The following CEP57L1 variants were observed in gnomAD, a reference collection of about 807,000 sequenced individuals.
The protein encoded by CEP57L1 is centrosomal protein 57 like 1.
In CEP57L1, 37 loss-of-function variants were observed where a neutral mutation model predicts 61.0. That is an observed-to-expected ratio of 0.61 (90% CI 0.47 to 0.80). CEP57L1 has a LOEUF of 0.80. Among genes scored for constraint, CEP57L1 ranks in the 30% least tolerant of loss-of-function variants. The pLI is 0.00. For missense variants in CEP57L1, 422 were observed against 524.7 expected, an observed-to-expected ratio of 0.80 and a Z score of 1.91; for synonymous variants, 137 against 162.3, an observed-to-expected ratio of 0.84 and a Z score of 1.19.
chr6:109,099,544 TTTTA>T (rs940811083), intron 1 of CEP57L1, among the ~76,000 whole-genome samples: 1 of 148,816 alleles, frequency 6.7e-6, no homozygotes, highest in Non-Finnish European at 1.5e-5. Flanking sequence ...ATTTATTTAT[TTTTA>T]TTTATTTATT....
At chr6:109,133,606 A>C (rs1685637316) in intron 1 of CEP57L1, among the ~76,000 whole-genome samples, 1 of 152,034 alleles carries the variant, frequency 6.6e-6, no homozygotes, top group Non-Finnish European at 1.5e-5. Context: ...AAACCCTTCA[A>C]AAAATCTGTG....
In CEP57L1 at chr6:109,145,332, A is replaced by G; in HGVS notation, c.111A>G (p.Ala37=). Residue 37 remains alanine, a synonymous_variant, in exon 2 of 11, where the codon GCA becomes GCG. Transcript: ENST00000517392. ...AACCATCTCAGAATTGCCATCCTGC[A>G]AACTTAGAAGTTACCTCTCCTAAGA... The part of the protein sequence containing the change: ...QNEPSQNCHP[A]NLEVTSPKIL... The G allele has an allele frequency of 1.9e-6, 3 of 1,612,072 alleles. No individual in the cohort carries two copies. The highest frequency in any genetic ancestry group is 1.1e-5 in the South Asian group (1 of 90,822).
intron 1 of CEP57L1, among the ~76,000 whole-genome samples, chr6:109,113,505 C>T (rs533506884): frequency 1.2e-4 from 19 of 152,242 alleles, no homozygotes; most frequent in Middle Eastern, 6.8e-3. Flanking sequence ...CTTTACTCAT[C>T]ATGACTTTGC....
chr6:109,135,295 C>G (rs1038928689), intron 1 of CEP57L1, among the ~76,000 whole-genome samples: 3 of 151,446 alleles, frequency 2.0e-5, no homozygotes, highest in Non-Finnish European at 2.9e-5. Flanking sequence ...ACAAACCTGA[C>G]AAAAACAAGA....
intron 1 of CEP57L1, among the ~76,000 whole-genome samples, chr6:109,120,779 A>G (rs1249799478): frequency 6.6e-6 from 1 of 152,210 alleles, no homozygotes; most frequent in Non-Finnish European, 1.5e-5. Flanking sequence ...TAAAATGGTT[A>G]GAAACGTAGT....
At chr6:109,098,744 C>T (rs1782020337) in intron 1 of CEP57L1, among the ~76,000 whole-genome samples, 3 of 152,126 alleles carry the variant, frequency 2.0e-5, no homozygotes, top group Admixed American at 2.0e-4. Flanking sequence ...CCTCCTGCCT[C>T]AGCCTCCCAA....
At chr6:109,141,577 C>G (rs995062278) in intron 1 of CEP57L1, among the ~76,000 whole-genome samples, 2 of 151,970 alleles carry the variant, frequency 1.3e-5, no homozygotes, top group African/African-American at 4.8e-5. Flanking sequence ...TTACTAGTTT[C>G]TATTGACCAG....
chr6:109,133,197 G>A (rs1583514165), intron 1 of CEP57L1, among the ~76,000 whole-genome samples: 1 of 152,252 alleles, frequency 6.6e-6, no homozygotes, highest in East Asian at 1.9e-4. Flanking sequence ...TAAGGCAGCA[G>A]GGACCGGTTT....
In CEP57L1 at chr6:109,160,573, G is replaced by C; in HGVS notation, c.1018G>C (p.Glu340Gln). Residue 340 changes from glutamate to glutamine, a missense_variant and splice_region_variant, in exon 10 of 11, where the codon GAG (glutamate) becomes CAG (glutamine). Physicochemically the swap from Glu to Gln is conservative, Grantham distance 29 (BLOSUM62 2). Transcript: ENST00000517392. The part of the protein sequence containing the change: ...MQDELDQMSM[E>Q]HQELLKQMKE... ...TTAATATTTGCTATTCTTTCATAGG[G>C]AGCACCAAGAACTACTGAAACAAAT... The C allele has an allele frequency of 1.3e-6, 2 of 1,599,480 alleles. No individual in the cohort carries two copies. The highest frequency in any genetic ancestry group is 1.7e-6 in the Non-Finnish European group (2 of 1,173,626).
chr6:109,118,059 G>T (rs190193924), intron 1 of CEP57L1, among the ~76,000 whole-genome samples: 1 of 152,132 alleles, frequency 6.6e-6, no homozygotes, highest in South Asian at 2.1e-4. Flanking sequence ...TTTTTGAGAC[G>T]GAGTCTCACT....
chr6:109,153,905 GAA>G lies in CEP57L1; in HGVS notation c.539_540del (p.Lys180ArgfsTer13), dbSNP rs1772935555. On this transcript the variant is annotated frameshift_variant, in exon 5 of 11. Coordinates refer to ENST00000517392, the MANE Select transcript of CEP57L1 (RefSeq NM_001271852.3). LOFTEE classifies it high-confidence loss of function. ...YAKLEKLDVLEKECFRLTTTQ... is the reference protein window; with the variant it reads ...YAKLEKLDVLXKECFRLTTTQ... ...AAAACTTGAAAAGCTTGATGTCTTA[GAA>G]AAAGAGTGTTTCAGACTTACAACAA... The G allele has an allele frequency of 6.2e-7, 1 of 1,610,758 alleles. No individual in the cohort carries two copies. Among genetic ancestry groups the G allele is most frequent in the Non-Finnish European group, 8.5e-7 (1 of 1,178,462 alleles).
intron 1 of CEP57L1, among the ~76,000 whole-genome samples, chr6:109,101,564 C>T (rs1343832239): frequency 6.6e-6 from 1 of 151,882 alleles, no homozygotes; most frequent in East Asian, 1.9e-4. Flanking sequence ...TGCTGGATCT[C>T]AGGTAACCCT....
chr6:109,150,278 G>C lies in CEP57L1; in HGVS notation c.462+39G>C, dbSNP rs1583617947. The C allele has an allele frequency of 3.2e-6, 5 of 1,570,840 alleles. No homozygotes were observed. In the East Asian group the frequency reaches 1.1e-4, roughly 36 times the overall value. On this transcript the variant is annotated intron_variant, in intron 4 of 10. Coordinates refer to ENST00000517392, the MANE Select transcript of CEP57L1 (RefSeq NM_001271852.3). Reference sequence around the variant, plus strand: ...CTATAAGGAATGATAATATAATTTTGTATGTTTTTGAAGAATATTTTAATT... The same window carrying C: ...CTATAAGGAATGATAATATAATTTTCTATGTTTTTGAAGAATATTTTAATT...
At chr6:109,116,132 A>ATTTTATG (rs1562512164) in intron 1 of CEP57L1, among the ~76,000 whole-genome samples, 28 of 42,794 alleles carry the variant, frequency 6.5e-4, no homozygotes, top group African/African-American at 2.6e-3. Flanking sequence ...GTGTTGTGTT[A>ATTTTATG]TGTTATGTTA....
chr6:109,101,061 C>A (rs545340747), intron 1 of CEP57L1, among the ~76,000 whole-genome samples: 49 of 152,244 alleles, frequency 3.2e-4, no homozygotes, highest in Non-Finnish European at 6.9e-4. Flanking sequence ...GAGCCAAGAT[C>A]GCACCACTGC....
intron 1 of CEP57L1, among the ~76,000 whole-genome samples, chr6:109,125,290 A>G (rs1194013403): frequency 6.6e-6 from 1 of 152,070 alleles, no homozygotes; most frequent in Admixed American, 6.6e-5. Flanking sequence ...ACTAGTCGAA[A>G]TAAATTTTGG....
rs879546760 is a variant in CEP57L1 at position 109,098,616 on chromosome 6, CT to C, written c.-4+3052del. On this transcript the variant is annotated intron_variant, in intron 1 of 10. Coordinates refer to ENST00000517392, the MANE Select transcript of CEP57L1 (RefSeq NM_001271852.3). ...AGCCCAGCTAATTTTGTATTTTTTC[CT>C]TTTTTTTTTTAACTGAAATTACATA... Among the ~76,000 whole-genome samples the C allele has an allele frequency of 3.1e-3, 451 of 144,776 alleles. 1 individual carries two copies. Among genetic ancestry groups the C allele is most frequent in the Non-Finnish European group, 3.9e-3 (254 of 65,282 alleles). 95.0% of individuals were successfully genotyped at this position (144,776 alleles called of 152,430 possible). A position where few individuals can be genotyped will look rare whatever the true frequency, so the allele number is the denominator to read the frequency against.
At chr6:109,158,994 T>G (rs956701069) in intron 7 of CEP57L1, 31 bp from the exon 8 acceptor site, 12 of 1,580,374 alleles carry the variant, frequency 7.6e-6, no homozygotes, top group Non-Finnish European at 6.0e-6. Context: ...AAATAATTTC[T>G]TGTTTACGTT....
intron 1 of CEP57L1, among the ~76,000 whole-genome samples, chr6:109,120,166 A>G (rs1336086103): frequency 6.6e-6 from 1 of 152,200 alleles, no homozygotes; most frequent in East Asian, 1.9e-4. Flanking sequence ...AACCTACTGC[A>G]GATCACACAG....
Sources: gnomAD v4.1 joint callset for allele counts (sites outside exome capture counted in the v4.1 genomes callset) on GRCh38, gnomAD v4.1.1 for gene constraint, MANE v1.5 for transcripts, NCBI Gene and HGNC (gene_info 2026-07-23, HGNC 2026-07-21) for gene names.